Variants in TACC2 observed in about 807,000 individuals in gnomAD.
The protein encoded by TACC2 is transforming acidic coiled-coil-containing protein 2.
TACC2 carries 137 observed loss-of-function variants against 227.3 expected under a neutral mutation model. The observed-to-expected ratio is 0.60, with a 90% CI of 0.52 to 0.69. The LOEUF is 0.69. TACC2 is among the 30% of genes least tolerant of loss of function. TACC2 has a pLI of 0.00. For synonymous variants in TACC2, 1,523 were observed against 1,487.5 expected, an observed-to-expected ratio of 1.02 and a Z score of -0.55; for missense variants, 3,470 against 3,694.4, an observed-to-expected ratio of 0.94 and a Z score of 1.57.
At position 122,032,891 on chromosome 10, in the gene TACC2, G is replaced by A. The variant is rs560710967; in HGVS notation, c.33+10877G>A. Among the ~76,000 whole-genome samples, 4 of 152,156 alleles carry A rather than the reference G, an allele frequency of 2.6e-5. No homozygotes were observed. In the South Asian group the frequency reaches 8.3e-4, roughly 32 times the overall value. ...GGAGAATCGCTTGAACCTGGCAGGC[G>A]CAGTTTGTAGTGAGCTGAGACTGCA... On this transcript the variant is annotated intron_variant, in intron 2 of 22. Coordinates refer to ENST00000369005, the MANE Select transcript of TACC2 (RefSeq NM_206862.4).
intron 5 of TACC2, among the ~76,000 whole-genome samples, chr10:122,095,671 G>A (rs1036038975): frequency 6.6e-6 from 1 of 152,184 alleles, no homozygotes; most frequent in Non-Finnish European, 1.5e-5. Flanking sequence ...TCAGATCTAC[G>A]TTCAGAACGC....
At chr10:122,094,470 C>T (rs776186124) in intron 5 of TACC2, among the ~76,000 whole-genome samples, 5 of 152,046 alleles carry the variant, frequency 3.3e-5, no homozygotes, top group Non-Finnish European at 7.4e-5. Flanking sequence ...GTAGAGATGG[C>T]GTCTCACTAT....
intron 3 of TACC2, among the ~76,000 whole-genome samples, chr10:122,080,917 T>G (rs1334003728): frequency 6.6e-6 from 1 of 152,172 alleles, no homozygotes; most frequent in African/African-American, 2.4e-5. Context: ...ATTCCATAAA[T>G]TTTCCTTTGA....
intron 5 of TACC2, among the ~76,000 whole-genome samples, chr10:122,129,042 G>A (rs1016249368): frequency 1.3e-4 from 19 of 143,398 alleles, no homozygotes; most frequent in Non-Finnish European, 2.6e-4. Context: ...CTAGATACAT[G>A]AAGATCTATC....
At chr10:122,160,384 A>G (rs1022192738) in intron 7 of TACC2, among the ~76,000 whole-genome samples, 27 of 152,182 alleles carry the variant, frequency 1.8e-4, no homozygotes, top group African/African-American at 6.0e-4. Flanking sequence ...GGTTCCCTGG[A>G]TGGCTTAAAT....
In TACC2 at chr10:122,230,337, C is replaced by T; in HGVS notation, c.8038-14C>T. On this transcript the variant is annotated splice_polypyrimidine_tract_variant and intron_variant, in intron 15 of 22. Coordinates refer to ENST00000369005, the MANE Select transcript of TACC2 (RefSeq NM_206862.4). ...TGCATTTCCCTGCGGTTTGCCCACA[C>T]TCCCTGTGGGCAGGAGGAGTTAGAG... The T allele has an allele frequency of 6.2e-7, 1 of 1,602,710 alleles. No individual in the cohort carries two copies.
intron 2 of TACC2, among the ~76,000 whole-genome samples, chr10:122,049,157 G>A (rs141848519): frequency 6.6e-6 from 1 of 152,334 alleles, no homozygotes; most frequent in Non-Finnish European, 1.5e-5. Context: ...AATTCAGCTT[G>A]TACCCACCTG....
rs116387677 is a variant in TACC2 at position 122,213,906 on chromosome 10, G to T, written c.7284-1485G>T. Among the ~76,000 whole-genome samples, 956 of 152,334 alleles carry T rather than the reference G, an allele frequency of 6.3e-3. 14 individuals are homozygous for T. The highest frequency in any genetic ancestry group is 0.022 in the African/African-American group (909 of 41,572). The stretch of plus-strand genomic sequence containing the variant: ...GGGTCAGTGCAGAGTGGAGCACACA[G>T]CTGTGAGAGCCATCGCCAGGCTGCC... On this transcript the variant is annotated intron_variant, in intron 9 of 22. Transcript: ENST00000369005.
Position 122,169,181 on chromosome 10 carries a change from C to T in TACC2, c.5834+25475C>T, listed in dbSNP as rs554634350. Among the ~76,000 whole-genome samples the T allele has an allele frequency of 2.0e-5, 3 of 152,298 alleles. No homozygotes were observed. The South Asian group carries it at 6.2e-4, about 32-fold the overall frequency. On this transcript the variant is annotated intron_variant, in intron 7 of 22. Coordinates refer to ENST00000369005, the MANE Select transcript of TACC2 (RefSeq NM_206862.4). Reference sequence around the variant, plus strand: ...GTTGTTTCTGGAGTGCAGGTGTGTGCTGTTTAAACGCCATTGCCAAATATG... The same window carrying T: ...GTTGTTTCTGGAGTGCAGGTGTGTGTTGTTTAAACGCCATTGCCAAATATG...
chr10:122,241,276 GTTTGGCTTTATTTTTAATTTTTAAA>G (rs2095986981), intron 18 of TACC2, among the ~76,000 whole-genome samples: 1 of 152,114 alleles, frequency 6.6e-6, no homozygotes. Context: ...CGGGCTGGAG[GTTTGGCTTTATTTTTAATTTTTAAA>G]TTTTTTTAGA....
chr10:122,128,530 G>A (rs929577145), intron 5 of TACC2, among the ~76,000 whole-genome samples: 11 of 152,250 alleles, frequency 7.2e-5, no homozygotes, highest in Non-Finnish European at 1.2e-4. Flanking sequence ...AAGCCTGGCC[G>A]CGTTCCCGCC....
At chr10:122,106,962 G>C (rs988924051) in intron 5 of TACC2, among the ~76,000 whole-genome samples, 1 of 152,180 alleles carries the variant, frequency 6.6e-6, no homozygotes, top group Non-Finnish European at 1.5e-5. Context: ...CTGCGCCCTC[G>C]CATGACAATG....
chr10:122,048,756 A>G (rs1419624163), intron 2 of TACC2, among the ~76,000 whole-genome samples: 3 of 152,188 alleles, frequency 2.0e-5, no homozygotes, highest in Non-Finnish European at 2.9e-5. Context: ...AAAGGTGCCC[A>G]TGGGCTAGGG....
intron 3 of TACC2, among the ~76,000 whole-genome samples, chr10:122,063,358 C>T (rs2077043886): frequency 6.6e-6 from 1 of 152,208 alleles, no homozygotes; most frequent in Non-Finnish European, 1.5e-5. Context: ...GCCTCCGCCC[C>T]TCCTTGTCCT....
intron 5 of TACC2, among the ~76,000 whole-genome samples, chr10:122,099,868 G>A (rs1021824969): frequency 1.3e-5 from 2 of 152,242 alleles, no homozygotes; most frequent in African/African-American, 2.4e-5. Flanking sequence ...TTGAAGTGTT[G>A]TGTATACCTC....
intron 3 of TACC2, among the ~76,000 whole-genome samples, chr10:122,062,417 C>T (rs2076937524): frequency 2.0e-5 from 3 of 152,084 alleles, no homozygotes; most frequent in Non-Finnish European, 4.4e-5. Flanking sequence ...AGTGATTCTG[C>T]CTCGGCCTCC....
At chr10:122,091,754 C>A (rs1241451429) in intron 5 of TACC2, among the ~76,000 whole-genome samples, 4 of 151,972 alleles carry the variant, frequency 2.6e-5, no homozygotes, top group African/African-American at 9.7e-5. Context: ...GCTGTACTTC[C>A]TAGGAGGGGC....
intron 3 of TACC2, chr10:122,051,673 G>A (rs1199071641): frequency 6.6e-6 from 1 of 151,518 alleles, no homozygotes; most frequent in African/African-American, 2.4e-5. Flanking sequence ...GAACAAAAAT[G>A]CAAAATGGAA....
At chr10:122,039,785 A>G (rs1488307231) in intron 2 of TACC2, among the ~76,000 whole-genome samples, 4 of 152,226 alleles carry the variant, frequency 2.6e-5, no homozygotes, top group Admixed American at 2.0e-4. Context: ...CCTGCCAACC[A>G]GTCACAGTGA....
Sources: allele counts gnomAD v4.1 joint callset (sites outside exome capture counted in the v4.1 genomes callset), GRCh38; gene constraint gnomAD v4.1.1; transcripts MANE v1.5; gene names NCBI Gene and HGNC (gene_info 2026-07-23, HGNC 2026-07-21).